Variants in EFR3B observed in about 807,000 individuals in gnomAD.
EFR3B encodes the protein protein EFR3 homolog B.
EFR3B carries 64 observed loss-of-function variants against 104.7 expected under a neutral mutation model. The observed-to-expected ratio is 0.61, with a 90% CI of 0.50 to 0.75. The LOEUF (loss-of-function observed/expected upper bound fraction) is 0.75, where lower values mean the gene tolerates loss of function less well. Among genes scored for constraint, EFR3B ranks in the 30% least tolerant of loss-of-function variants. The pLI is 0.00. For synonymous variants in EFR3B, 385 were observed against 417.9 expected, an observed-to-expected ratio of 0.92 and a Z score of 0.96; for missense variants, 750 against 1,078.5, an observed-to-expected ratio of 0.70 and a Z score of 4.27.
At chr2:25,097,714 A>C (rs756378046) in intron 3 of EFR3B, among the ~76,000 whole-genome samples, 43 of 152,132 alleles carry the variant, frequency 2.8e-4, no homozygotes, top group Non-Finnish European at 7.4e-5. Context: ...AGCAGCAAAA[A>C]CCGAGCAGTC....
chr2:25,105,716 G>A (rs1414818978), intron 4 of EFR3B, among the ~76,000 whole-genome samples: 1 of 152,208 alleles, frequency 6.6e-6, no homozygotes, highest in Admixed American at 6.5e-5. Context: ...CTACAGCCTA[G>A]AAGAGAACAT....
chr2:25,144,377 T>C (rs1670757404), intron 18 of EFR3B, among the ~76,000 whole-genome samples: 1 of 152,080 alleles, frequency 6.6e-6, no homozygotes, highest in South Asian at 2.1e-4. Context: ...ACCCCATCTC[T>C]ACTAAAAATA....
At chr2:25,062,335 T>C (rs912417508) in intron 1 of EFR3B, among the ~76,000 whole-genome samples, 1 of 152,190 alleles carries the variant, frequency 6.6e-6, no homozygotes, top group African/African-American at 2.4e-5. Flanking sequence ...GGATTAGCAA[T>C]GTCCTACCTC....
intron 1 of EFR3B, among the ~76,000 whole-genome samples, chr2:25,061,936 A>G (rs1668210302): frequency 6.6e-6 from 1 of 151,970 alleles, no homozygotes; most frequent in Non-Finnish European, 1.5e-5. Flanking sequence ...GATGATTTAA[A>G]TTTTCTTTTA....
chr2:25,144,307 C>T (rs1670755632), intron 18 of EFR3B, among the ~76,000 whole-genome samples: 1 of 152,182 alleles, frequency 6.6e-6, no homozygotes, highest in South Asian at 2.1e-4. Flanking sequence ...CTTTGGGAGG[C>T]TGAGGCGGAT....
chr2:25,046,643 A>G (rs1302335384), intron 1 of EFR3B, among the ~76,000 whole-genome samples: 3 of 150,264 alleles, frequency 2.0e-5, no homozygotes, highest in African/African-American at 4.9e-5. Context: ...AGCTGGGACT[A>G]CAGGCGTCCA....
chr2:25,089,667 A>G (rs1669058250), intron 1 of EFR3B, among the ~76,000 whole-genome samples: 1 of 152,118 alleles, frequency 6.6e-6, no homozygotes, highest in Non-Finnish European at 1.5e-5. Flanking sequence ...CTGTCCCATC[A>G]CAAGAAATAA....
chr2:25,087,616 GCAC>G (rs574975434), intron 1 of EFR3B, among the ~76,000 whole-genome samples: 2 of 151,958 alleles, frequency 1.3e-5, no homozygotes, highest in South Asian at 4.2e-4. Context: ...GGGACTACAG[GCAC>G]CCGCCACCAT....
At chr2:25,056,171 A>G (rs1446311895) in intron 1 of EFR3B, among the ~76,000 whole-genome samples, 1 of 152,154 alleles carries the variant, frequency 6.6e-6, no homozygotes, top group African/African-American at 2.4e-5. Context: ...GTGTCTTTTC[A>G]TGGATTTTTG....
intron 3 of EFR3B, among the ~76,000 whole-genome samples, chr2:25,094,915 A>G (rs961471569): frequency 4.6e-5 from 7 of 151,986 alleles, no homozygotes; most frequent in African/African-American, 1.7e-4. Context: ...TCAGCCTCCC[A>G]TATAACTGGG....
At chr2:25,138,846 TC>T (rs915564072) in intron 15 of EFR3B, among the ~76,000 whole-genome samples, 10 of 152,160 alleles carry the variant, frequency 6.6e-5, no homozygotes, top group African/African-American at 2.2e-4. Context: ...CTCAAGAGCC[TC>T]CCAGTTCACG....
chr2:25,151,867 A>G, intron 20 of EFR3B, 47 bp from the exon 21 acceptor site: 1 of 1,540,444 alleles, frequency 6.5e-7, no homozygotes, highest in African/African-American at 1.4e-5. Context: ...CCCTCCCTTC[A>G]CCTCAGTGAG....
rs967213372 is a variant in EFR3B, at chr2:25,099,614, A to G, written c.213-4023A>G. The stretch of plus-strand genomic sequence containing the variant: ...CTGTTTAATTTTCTGGTTGCTTGGT[A>G]TAGAAGTTAGCTCAAAGGTAAGTAA... On this transcript the variant is annotated intron_variant, in intron 3 of 22. Transcript: ENST00000403714. Among the ~76,000 whole-genome samples the G allele has an allele frequency of 2.6e-5, 4 of 152,008 alleles. No individual in the cohort carries two copies. The South Asian group carries it at 6.2e-4, about 24-fold the overall frequency.
chr2:25,100,791 CTCCCCTGTA>C (rs1284342922), intron 3 of EFR3B, among the ~76,000 whole-genome samples: 1 of 152,218 alleles, frequency 6.6e-6, no homozygotes, highest in Non-Finnish European at 1.5e-5. Flanking sequence ...AGCGCCCGGC[CTCCCCTGTA>C]TTTTCTTTGT....
At chr2:25,083,219 C>T (rs1668858560) in intron 1 of EFR3B, among the ~76,000 whole-genome samples, 1 of 152,136 alleles carries the variant, frequency 6.6e-6, no homozygotes, top group South Asian at 2.1e-4. Flanking sequence ...ATAAATTTAC[C>T]TTCAGCTACT....
At chr2:25,045,257 C>T (rs1274726703) in intron 1 of EFR3B, among the ~76,000 whole-genome samples, 2 of 152,152 alleles carry the variant, frequency 1.3e-5, no homozygotes, top group African/African-American at 4.8e-5. Context: ...ACTTCCCTTT[C>T]TCAGACTCAC....
At position 25,152,009 on chromosome 2, in the gene EFR3B, T is replaced by C. The variant is rs1265115636; in HGVS notation, c.2287T>C (p.Cys763Arg). The change falls in exon 21 of 23, where the codon TGC becomes CGC. Residue 763 changes from cysteine (C) to arginine (R), a missense_variant. Cys to Arg is a radical substitution (Grantham distance 180, BLOSUM62 -3). Transcript: ENST00000403714. Reference protein sequence around the residue: ...KAPFEEIAAHCGARASLLQSK... With the variant: ...KAPFEEIAAHRGARASLLQSK... ...ACCCTTCGAGGAGATTGCTGCACAC[T>C]GCGGGGCCCGGGTAAGTGAAGCATG... The C allele has an allele frequency of 2.6e-6, 4 of 1,551,492 alleles. No individual in the cohort carries two copies. Among genetic ancestry groups the C allele is most frequent in the Non-Finnish European group, 3.5e-6 (4 of 1,146,960 alleles).
At chr2:25,073,123 C>G (rs72807662) in intron 1 of EFR3B, among the ~76,000 whole-genome samples, 273 of 152,146 alleles carry the variant, frequency 1.8e-3, no homozygotes, top group Non-Finnish European at 3.2e-3. Context: ...AATTCAACAC[C>G]CAGATAAACA....
At position 25,130,437 on chromosome 2, in the gene EFR3B, C is replaced by G; in HGVS notation, c.771-115C>G. On this transcript the variant is annotated intron_variant, in intron 7 of 22. Transcript: ENST00000403714. The surrounding 1 kb of genome is among the most constrained non-coding windows in gnomAD (Gnocchi z 4.6). ...AGGCCCTTCAGGCTTCACTTCCTCA[C>G]CCGGGAACTGTGCGAGGGGCTCTGA... 1.0e-6 allele frequency: 1 copy of G among 989,694 alleles called. No individual in the cohort carries two copies. The highest frequency in any genetic ancestry group is 2.0e-5 in the Admixed American group (1 of 49,972). 61.3% of individuals were successfully genotyped at this position (989,694 alleles called of 1,614,324 possible). A position where few individuals can be genotyped will look rare whatever the true frequency, so the allele number is the denominator to read the frequency against.
Sources: allele counts gnomAD v4.1 joint callset (sites outside exome capture counted in the v4.1 genomes callset), GRCh38; gene constraint gnomAD v4.1.1; non-coding constraint Gnocchi (gnomAD v3.1); transcripts MANE v1.5; gene names NCBI Gene and HGNC (gene_info 2026-07-23, HGNC 2026-07-21).